The following CACNA2D1 variants were observed in gnomAD, a reference collection of about 807,000 sequenced individuals.
CACNA2D1 encodes calcium voltage-gated channel auxiliary subunit alpha2delta 1, also known as voltage-dependent calcium channel subunit alpha-2/delta-1.
A neutral mutation model predicts 171.5 loss-of-function variants in CACNA2D1; 53 were observed. The ratio of observed to expected loss-of-function variants is 0.31; its 90% CI spans 0.25 to 0.39. CACNA2D1 has a LOEUF of 0.39. CACNA2D1 is among the 10% of genes least tolerant of loss of function. The probability of loss-of-function intolerance (pLI) is 1.00; values close to 1 mark genes in which losing one functional copy is unlikely to be tolerated. For missense variants in CACNA2D1, 903 were observed against 1,299.8 expected (o/e 0.69, Z 4.69); for synonymous variants, 442 against 443.1 (o/e 1.00, Z 0.03).
intron 3 of CACNA2D1, among the ~76,000 whole-genome samples, chr7:82,295,227 A>G (rs530212654): frequency 9.2e-5 from 14 of 151,876 alleles, no homozygotes; most frequent in Admixed American, 2.6e-4. Flanking sequence ...GGAGATATTG[A>G]TCAAAAGGTA....
rs571317167 is a variant in CACNA2D1, at chr7:82,062,611, T to A, written c.779+1693A>T. 8.7e-3 allele frequency among the ~76,000 whole-genome samples: 1,270 copies of A among 146,206 alleles called. 10 individuals carry two copies. The highest frequency in any genetic ancestry group is 0.013 in the Non-Finnish European group (879 of 66,736). ...CAGGTACTATGTCTTTTTTTTTTTT[T>A]AATATACTTTAAGTTTTAGGGTACA... On this transcript the variant is annotated intron_variant, in intron 9 of 38. Transcript: ENST00000356860.
intron 3 of CACNA2D1, among the ~76,000 whole-genome samples, chr7:82,229,284 G>A (rs578257612): frequency 6.6e-6 from 1 of 152,076 alleles, no homozygotes; most frequent in African/African-American, 2.4e-5. Flanking sequence ...CCAAACGCAA[G>A]GCCCTTTCAG....
intron 29 of CACNA2D1, 92 bp downstream of exon 29, chr7:81,968,795 T>C: frequency 1.3e-6 from 1 of 777,568 alleles, no homozygotes; most frequent in Non-Finnish European, 2.3e-6. Context: ...CACCTTTTGA[T>C]GACCTTCTTG....
chr7:82,208,933 A>C (rs1002617448), intron 3 of CACNA2D1, among the ~76,000 whole-genome samples: 1 of 152,240 alleles, frequency 6.6e-6, no homozygotes, highest in East Asian at 1.9e-4. Flanking sequence ...TAATAGGTAC[A>C]TAACAGATAT....
At chr7:82,357,717 G>C (rs562866735) in intron 1 of CACNA2D1, among the ~76,000 whole-genome samples, 13 of 139,672 alleles carry the variant, frequency 9.3e-5, no homozygotes, top group East Asian at 2.2e-4. Flanking sequence ...GTTGTGGGGT[G>C]GGGGGTGGGG....
chr7:82,174,831 G>A (rs934498509), intron 3 of CACNA2D1, among the ~76,000 whole-genome samples: 1 of 152,066 alleles, frequency 6.6e-6, no homozygotes, highest in Non-Finnish European at 1.5e-5. Flanking sequence ...CTTTTGCTAT[G>A]CAGTGGTCTG....
At chr7:82,051,366 C>G (rs537596978) in intron 10 of CACNA2D1, among the ~76,000 whole-genome samples, 1 of 151,848 alleles carries the variant, frequency 6.6e-6, no homozygotes, top group South Asian at 2.1e-4. Context: ...ACTTCTAGGA[C>G]TGCTGCTTAG....
chr7:82,106,019 A>G (rs972916810), intron 6 of CACNA2D1, among the ~76,000 whole-genome samples: 2 of 152,194 alleles, frequency 1.3e-5, no homozygotes, highest in Admixed American at 6.5e-5. Flanking sequence ...ATATAACTTC[A>G]TTTGATCTAA....
chr7:81,961,757 T>C, intron 36 of CACNA2D1, 137 bp downstream of exon 36: 1 of 736,318 alleles, frequency 1.4e-6, no homozygotes, highest in East Asian at 2.7e-5. Context: ...TTAAAACAAT[T>C]ACTCACATCT....
At chr7:81,973,610 C>T (rs953404567) in intron 25 of CACNA2D1, among the ~76,000 whole-genome samples, 1 of 151,910 alleles carries the variant, frequency 6.6e-6, no homozygotes, top group African/African-American at 2.4e-5. Flanking sequence ...AACAAAGAGA[C>T]TCCTCTTTGA....
chr7:81,992,096 G>A (rs1797609954), intron 20 of CACNA2D1, among the ~76,000 whole-genome samples: 1 of 151,556 alleles, frequency 6.6e-6, no homozygotes, highest in Non-Finnish European at 1.5e-5. Context: ...ACCCGCCTCG[G>A]CCTCCCAAAG....
chr7:81,997,469 G>A (rs1223430868), intron 18 of CACNA2D1, among the ~76,000 whole-genome samples: 3 of 151,128 alleles, frequency 2.0e-5, no homozygotes, highest in Non-Finnish European at 4.4e-5. Flanking sequence ...ATAAGCAAGT[G>A]AAGACAGTGT....
intron 3 of CACNA2D1, among the ~76,000 whole-genome samples, chr7:82,185,260 C>T (rs939130026): frequency 9.2e-5 from 14 of 151,394 alleles, no homozygotes; most frequent in African/African-American, 3.4e-4. Flanking sequence ...CATCCTTTTA[C>T]ATCTGGTATT....
chr7:82,327,430 C>A (rs1460642295), intron 3 of CACNA2D1, among the ~76,000 whole-genome samples: 2 of 152,184 alleles, frequency 1.3e-5, no homozygotes, highest in Non-Finnish European at 2.9e-5. Flanking sequence ...GTCTATTAAT[C>A]ATATTTGAAC....
In CACNA2D1 at chr7:81,959,723, TCTG is replaced by T. The variant is rs1478008923; in HGVS notation, c.3070_3072del (p.Gln1024del). 2 of 1,611,480 alleles carry T rather than the reference TCTG, an allele frequency of 1.2e-6. No homozygotes were observed. Among genetic ancestry groups the T allele is most frequent in the Non-Finnish European group, 8.5e-7 (1 of 1,178,282 alleles). On this transcript the variant is annotated inframe_deletion, in exon 37 of 39. Transcript: ENST00000356860. ...TAGCTCTGATGTCAAAGGATACAAG[TCTG>T]CTCCGCTTGTATGAGCAGTCGTGTG...
intron 3 of CACNA2D1, among the ~76,000 whole-genome samples, chr7:82,175,609 T>C (rs150925510): frequency 3.3e-5 from 5 of 152,148 alleles, no homozygotes; most frequent in African/African-American, 1.2e-4. Context: ...GACTTCAATG[T>C]TCGAAAGAAA....
intron 6 of CACNA2D1, among the ~76,000 whole-genome samples, chr7:82,098,749 A>C (rs139042279): frequency 6.6e-6 from 1 of 152,318 alleles, no homozygotes; most frequent in Non-Finnish European, 1.5e-5. Context: ...ACTCTTCTGC[A>C]ATTCACTTGC....
chr7:82,192,527 A>T (rs1798436589), intron 3 of CACNA2D1, among the ~76,000 whole-genome samples: 2 of 149,058 alleles, frequency 1.3e-5, no homozygotes, highest in Non-Finnish European at 3.0e-5. Context: ...GAGACAGGTA[A>T]AAAGAATCAA....
intron 3 of CACNA2D1, among the ~76,000 whole-genome samples, chr7:82,200,520 T>G (rs75887226): frequency 0.064 from 9,702 of 152,226 alleles, 703 homozygotes; most frequent in East Asian, 0.2. Context: ...TTCTCTCTAA[T>G]GAAGAAGGAA....
Sources: allele counts gnomAD v4.1 joint callset (sites outside exome capture counted in the v4.1 genomes callset), GRCh38; gene constraint gnomAD v4.1.1; transcripts MANE v1.5; gene names NCBI Gene and HGNC (gene_info 2026-07-23, HGNC 2026-07-21).